Variants in SOX5 observed in about 807,000 individuals in gnomAD.
The protein encoded by SOX5 is transcription factor SOX-5.
SOX5 carries 9 observed loss-of-function variants against 92.0 expected under a neutral mutation model. The observed-to-expected ratio is 0.10, with a 90% CI of 0.06 to 0.17. The LOEUF (loss-of-function observed/expected upper bound fraction) is 0.17. Among genes scored for constraint, SOX5 ranks in the 10% least tolerant of loss-of-function variants. SOX5 has a pLI of 1.00. For synonymous variants in SOX5, 344 were observed against 336.3 expected (o/e 1.02, Z -0.25); for missense variants, 642 against 944.5 (o/e 0.68, Z 4.20).
chr12:24,246,095 G>A (rs1014257251), intron 3 of SOX5, among the ~76,000 whole-genome samples: 3 of 151,986 alleles, frequency 2.0e-5, no homozygotes, highest in African/African-American at 2.4e-5. Context: ...CTAGACCTTC[G>A]ACATTACACC....
chr12:24,416,338 TC>T (rs1965020432), intron 1 of SOX5, among the ~76,000 whole-genome samples: 1 of 152,154 alleles, frequency 6.6e-6, no homozygotes, highest in African/African-American at 2.4e-5. Context: ...CCCATGAATC[TC>T]CAACTTGTTA....
chr12:23,736,986 C>T (rs548894617), intron 5 of SOX5, among the ~76,000 whole-genome samples: 87 of 149,804 alleles, frequency 5.8e-4, no homozygotes, highest in African/African-American at 2.1e-3. Context: ...AGCCACAGTG[C>T]CCGACCTACG....
At chr12:23,614,442 T>C (rs1192370178) in intron 8 of SOX5, among the ~76,000 whole-genome samples, 1 of 152,222 alleles carries the variant, frequency 6.6e-6, no homozygotes, top group Non-Finnish European at 1.5e-5. Flanking sequence ...TCTGGTTTCT[T>C]TCACTTAGCG....
At chr12:24,006,812 C>T in intron 4 of SOX5, among the ~76,000 whole-genome samples, 1 of 151,872 alleles carries the variant, frequency 6.6e-6, no homozygotes, top group Non-Finnish European at 1.5e-5. Context: ...TCAAATAGCC[C>T]CAAATAGGTC....
At chr12:23,721,133 T>G (rs910654358) in intron 6 of SOX5, among the ~76,000 whole-genome samples, 1 of 152,176 alleles carries the variant, frequency 6.6e-6, no homozygotes, top group African/African-American at 2.4e-5. Flanking sequence ...TTGCCCAGGC[T>G]GGAGTGCAAT....
intron 4 of SOX5, among the ~76,000 whole-genome samples, chr12:24,171,679 T>C (rs1404308989): frequency 6.6e-6 from 1 of 151,956 alleles, no homozygotes; most frequent in East Asian, 1.9e-4. Context: ...GGAGTGTGAA[T>C]AGGGGGCTAG....
At chr12:24,545,355 A>G (rs543586467) in intron 1 of SOX5, among the ~76,000 whole-genome samples, 24 of 152,330 alleles carry the variant, frequency 1.6e-4, no homozygotes, top group African/African-American at 5.5e-4. Context: ...GAAGAAGTTA[A>G]TGTTAATGCT....
Position 23,881,771 on chromosome 12 carries a change from G to C in SOX5, c.270+14022C>G, listed in dbSNP as rs373204198. Reference sequence around the variant, plus strand: ...GGTAAGGACATTTTGGAGATATTCAGTGTTATAAGCATAAAAATGTAAAAC... The same window carrying C: ...GGTAAGGACATTTTGGAGATATTCACTGTTATAAGCATAAAAATGTAAAAC... On this transcript the variant is annotated intron_variant, in intron 2 of 14. Transcript: ENST00000451604. 3.9e-5 allele frequency among the ~76,000 whole-genome samples: 6 copies of C among 152,252 alleles called. No individual in the cohort carries two copies. In the East Asian group the frequency reaches 1.2e-3, roughly 29 times the overall value.
At chr12:23,869,141 A>G (rs2096846463) in intron 2 of SOX5, among the ~76,000 whole-genome samples, 1 of 152,104 alleles carries the variant, frequency 6.6e-6, no homozygotes, top group Admixed American at 6.5e-5. Flanking sequence ...TAAATACTTA[A>G]CCTAATTCCT....
intron 1 of SOX5, among the ~76,000 whole-genome samples, chr12:23,933,537 G>A (rs1020936406): frequency 6.6e-6 from 1 of 151,666 alleles, no homozygotes; most frequent in Non-Finnish European, 1.5e-5. Context: ...TACCTTATCT[G>A]CTAATTTAAT....
intron 10 of SOX5, among the ~76,000 whole-genome samples, chr12:23,570,693 G>A (rs966835060): frequency 1.3e-5 from 2 of 151,258 alleles, no homozygotes; most frequent in Non-Finnish European, 2.9e-5. Flanking sequence ...GGCGGATCAC[G>A]AGGTCAGGAG....
intron 3 of SOX5, among the ~76,000 whole-genome samples, chr12:23,842,144 C>T (rs1217774204): frequency 6.6e-6 from 1 of 152,080 alleles, no homozygotes; most frequent in Non-Finnish European, 1.5e-5. Flanking sequence ...AGACTAAAAG[C>T]AAAAGGACAC....
At chr12:24,147,605 C>T (rs896817907) in intron 4 of SOX5, among the ~76,000 whole-genome samples, 3 of 152,092 alleles carry the variant, frequency 2.0e-5, no homozygotes, top group Non-Finnish European at 2.9e-5. Context: ...GGCAACTATA[C>T]GTGAAAGCAG....
At chr12:23,653,791 T>C (rs1002860431) in intron 7 of SOX5, among the ~76,000 whole-genome samples, 2 of 152,096 alleles carry the variant, frequency 1.3e-5, no homozygotes, top group African/African-American at 4.8e-5. Flanking sequence ...GATTTCAGCA[T>C]ATGAATTTTG....
intron 2 of SOX5, among the ~76,000 whole-genome samples, chr12:24,346,152 C>A (rs149155971): frequency 1.3e-5 from 2 of 152,114 alleles, no homozygotes; most frequent in African/African-American, 2.4e-5. Flanking sequence ...TATTGAAATG[C>A]GGGAAAACGA....
chr12:24,169,663 A>G (rs921116847), intron 4 of SOX5, among the ~76,000 whole-genome samples: 2 of 152,238 alleles, frequency 1.3e-5, no homozygotes, highest in African/African-American at 4.8e-5. Flanking sequence ...ACAAGAAATG[A>G]GAAGTATTAA....
chr12:24,213,137 A>G (rs1216225433), intron 4 of SOX5, among the ~76,000 whole-genome samples: 1 of 152,166 alleles, frequency 6.6e-6, no homozygotes, highest in Non-Finnish European at 1.5e-5. Context: ...TCTATTCTTG[A>G]TAGTTTTTAA....
intron 1 of SOX5, among the ~76,000 whole-genome samples, chr12:24,475,379 C>A (rs1945252869): frequency 6.6e-6 from 1 of 152,200 alleles, no homozygotes; most frequent in South Asian, 2.1e-4. Flanking sequence ...CTCTCGAAGG[C>A]AGGAATCGTG....
chr12:23,715,204 T>C (rs1005031963), intron 6 of SOX5, among the ~76,000 whole-genome samples: 11 of 151,494 alleles, frequency 7.3e-5, no homozygotes, highest in South Asian at 4.2e-4. Context: ...GAGGCTGAGG[T>C]AGGAGAATGG....
Sources: gnomAD v4.1 joint callset for allele counts (sites outside exome capture counted in the v4.1 genomes callset) on GRCh38, gnomAD v4.1.1 for gene constraint, MANE v1.5 for transcripts, NCBI Gene and HGNC (gene_info 2026-07-23, HGNC 2026-07-21) for gene names.